The following LMX1B variants were observed in gnomAD, a reference collection of about 807,000 sequenced individuals.
The protein encoded by LMX1B is LIM homeobox transcription factor 1-beta.
In LMX1B, 12 loss-of-function variants were observed where a neutral mutation model predicts 51.4. That is an observed-to-expected ratio of 0.23 (90% CI 0.15 to 0.38). LMX1B has a LOEUF of 0.38. Among genes scored for constraint, LMX1B ranks in the 10% least tolerant of loss-of-function variants. LMX1B has a pLI of 1.00. For missense variants in LMX1B, 445 were observed against 571.1 expected (o/e 0.78, Z 2.25); for synonymous variants, 237 against 235.4 (o/e 1.01, Z -0.06).
intron 2 of LMX1B, among the ~76,000 whole-genome samples, chr9:126,657,887 G>A (rs1482336760): frequency 6.6e-6 from 1 of 152,218 alleles, no homozygotes; most frequent in African/African-American, 2.4e-5. Context: ...CTAGGAGTGA[G>A]TTGGGGACTG....
intron 2 of LMX1B, among the ~76,000 whole-genome samples, chr9:126,622,402 C>T (rs569729937): frequency 8.5e-5 from 13 of 152,302 alleles, no homozygotes; most frequent in Non-Finnish European, 1.6e-4. Flanking sequence ...AGAGCAACAG[C>T]GATGCCCACT....
chr9:126,666,327 G>C (rs1836342080), intron 2 of LMX1B, among the ~76,000 whole-genome samples: 1 of 152,216 alleles, frequency 6.6e-6, no homozygotes, highest in Non-Finnish European at 1.5e-5. Context: ...CCCAGGAGAG[G>C]GGACAGGGAG....
At chr9:126,670,164 C>A (rs910717925) in intron 2 of LMX1B, among the ~76,000 whole-genome samples, 1 of 152,228 alleles carries the variant, frequency 6.6e-6, no homozygotes, top group Non-Finnish European at 1.5e-5. Flanking sequence ...CCAGAGCAGT[C>A]ACCTGATGCT....
Position 126,617,461 on chromosome 9 carries a change from A to G in LMX1B, c.326+1892A>G, listed in dbSNP as rs1222243146. On this transcript the variant is annotated intron_variant, in intron 2 of 7. Coordinates refer to ENST00000373474, the MANE Select transcript of LMX1B (RefSeq NM_001174147.2). ...CGTGTACATATTCTGCCCTCCCCCC[A>G]CTCCCCATAATTATTTACGGAGCTT... 8.0e-5 allele frequency among the ~76,000 whole-genome samples: 12 copies of G among 150,124 alleles called. No homozygotes were observed. The East Asian group carries it at 2.4e-3, about 29-fold the overall frequency.
intron 2 of LMX1B, among the ~76,000 whole-genome samples, chr9:126,669,898 C>G (rs2118941483): frequency 6.6e-6 from 1 of 152,250 alleles, no homozygotes; most frequent in African/African-American, 2.4e-5. Flanking sequence ...TGAGGCAGGA[C>G]AGGAACCACA....
intron 2 of LMX1B, among the ~76,000 whole-genome samples, chr9:126,659,255 C>A (rs1836180559): frequency 1.3e-5 from 2 of 152,230 alleles, no homozygotes; most frequent in African/African-American, 4.8e-5. Context: ...CAGTGCTGGG[C>A]AGGTGGTGAG....
chr9:126,668,857 G>T (rs1324302785), intron 2 of LMX1B, among the ~76,000 whole-genome samples: 2 of 152,244 alleles, frequency 1.3e-5, no homozygotes, highest in Non-Finnish European at 2.9e-5. Flanking sequence ...GTGGTGCTTG[G>T]CAGGGGATGA....
rs1483958985 is a variant in LMX1B at position 126,693,729 on chromosome 9, C to A, written c.820-17C>A. 6.4e-7 allele frequency: 1 copy of A among 1,565,166 alleles called. No homozygotes were observed. Among genetic ancestry groups the A allele is most frequent in the Non-Finnish European group, 8.7e-7 (1 of 1,155,974 alleles). On this transcript the variant is annotated splice_polypyrimidine_tract_variant and intron_variant, in intron 5 of 7. Transcript: ENST00000373474. The stretch of plus-strand genomic sequence containing the variant: ...GGGCGAGGGGCAGCACCGGCCTGAA[C>A]TGCGCTCTCCCTGCAGATGAAGAAG...
chr9:126,639,272 G>A (rs935320390), intron 2 of LMX1B, among the ~76,000 whole-genome samples: 5 of 152,188 alleles, frequency 3.3e-5, no homozygotes, highest in Non-Finnish European at 1.5e-5. Context: ...CCGCTTTGCC[G>A]GGTGAGGGTC....
intron 2 of LMX1B, among the ~76,000 whole-genome samples, chr9:126,624,876 G>A (rs1055921734): frequency 3.3e-5 from 5 of 152,112 alleles, no homozygotes; most frequent in Admixed American, 1.3e-4. Flanking sequence ...GGGGAAAGGC[G>A]AGCAGGCTCC....
At chr9:126,622,278 C>T (rs1835429698) in intron 2 of LMX1B, among the ~76,000 whole-genome samples, 1 of 152,176 alleles carries the variant, frequency 6.6e-6, no homozygotes, top group Admixed American at 6.5e-5. Flanking sequence ...TTCCTGGAGC[C>T]TGGTTCCAGA....
chr9:126,657,683 C>T (rs1412295904), intron 2 of LMX1B, among the ~76,000 whole-genome samples: 3 of 152,360 alleles, frequency 2.0e-5, no homozygotes, highest in African/African-American at 7.2e-5. Flanking sequence ...GTGGGAGAAT[C>T]TTGATGCATC....
rs1017454986 is a variant in LMX1B, at chr9:126,697,897, C to T, written c.*1446C>T. The T allele has an allele frequency of 7.3e-5, 11 of 149,698 alleles. No homozygotes were observed. The highest frequency in any genetic ancestry group is 8.7e-5 in the Non-Finnish European group (6 of 69,060). The allele number at this position is 149,698 out of a possible 1,614,324, so 9.3% of individuals were successfully genotyped here. On this transcript the variant is annotated 3_prime_UTR_variant, in exon 8 of 8. Coordinates refer to ENST00000373474, the MANE Select transcript of LMX1B (RefSeq NM_001174147.2). ...TTGTTTTGTTTTGTTTTGTTTGAGA[C>T]GGAGTTTCGCTCTTGTTGCCCAGGC...
rs189160626 is a variant in LMX1B, at chr9:126,614,099, T to C, written c.-351T>C. 0.53 allele frequency among the ~76,000 whole-genome samples: 54,678 copies of C among 103,140 alleles called. 12,207 individuals are homozygous for C. The highest frequency in any genetic ancestry group is 0.89 in the East Asian group (3,717 of 4,170). 67.7% of individuals were successfully genotyped at this position (103,140 alleles called of 152,430 possible). On this transcript the variant is annotated 5_prime_UTR_variant, in exon 1 of 8. Coordinates refer to ENST00000373474, the MANE Select transcript of LMX1B (RefSeq NM_001174147.2). ...CTGCACCCCCACCCCCTCCCCCGCCTGCCGCCGCCGCCACCGCCACCGCCG... is the reference window on the plus strand; with the variant it reads ...CTGCACCCCCACCCCCTCCCCCGCCCGCCGCCGCCGCCACCGCCACCGCCG...
At chr9:126,682,704 G>A (rs1054537873) in intron 2 of LMX1B, among the ~76,000 whole-genome samples, 5 of 152,098 alleles carry the variant, frequency 3.3e-5, no homozygotes, top group Non-Finnish European at 5.9e-5. Flanking sequence ...AGACCAGCCT[G>A]GCTAACATGG....
Position 126,671,918 on chromosome 9 carries a change from C to T in LMX1B, c.327-18918C>T, listed in dbSNP as rs1206905977. ...AGAGGTCGGCATTCTCCACCACCCCCTTCTCCTGGACTGGGGCTTCCAAGT... is the reference window on the plus strand; with the variant it reads ...AGAGGTCGGCATTCTCCACCACCCCTTTCTCCTGGACTGGGGCTTCCAAGT... On this transcript the variant is annotated intron_variant, in intron 2 of 7. Coordinates refer to ENST00000373474, the MANE Select transcript of LMX1B (RefSeq NM_001174147.2). This position sits in a 1 kb window ranked among gnomAD's most constrained non-coding sequence, Gnocchi z 4.4. Among the ~76,000 whole-genome samples, 1 of 152,248 alleles carries T rather than the reference C, an allele frequency of 6.6e-6. No individual in the cohort carries two copies. The highest frequency in any genetic ancestry group is 1.5e-5 in the Non-Finnish European group (1 of 68,032).
At chr9:126,654,530 G>T (rs1409483955) in intron 2 of LMX1B, among the ~76,000 whole-genome samples, 1 of 152,262 alleles carries the variant, frequency 6.6e-6, no homozygotes, top group Non-Finnish European at 1.5e-5. Context: ...GCCCACTTAG[G>T]GTGGAGGCAG....
At chr9:126,656,558 G>A (rs937570133) in intron 2 of LMX1B, among the ~76,000 whole-genome samples, 1 of 152,188 alleles carries the variant, frequency 6.6e-6, no homozygotes, top group Non-Finnish European at 1.5e-5. Context: ...AGGAAGGAAG[G>A]GATGTGATGC....
chr9:126,615,700 CCG>C lies in LMX1B; in HGVS notation c.326+132_326+133del. 6.3e-6 allele frequency: 5 copies of C among 788,774 alleles called. No individual in the cohort carries two copies. Among genetic ancestry groups the C allele is most frequent in the Non-Finnish European group, 9.3e-6 (5 of 535,748 alleles). 48.9% of individuals were successfully genotyped at this position (788,774 alleles called of 1,614,324 possible). A position where few individuals can be genotyped will look rare whatever the true frequency, so the allele number is the denominator to read the frequency against. ...GCTGGGCCGGGCAGCTCCAAGGGTT[CCG>C]AGAGCTGCGCGTCTTGGGGCTGGGG... is the stretch of plus-strand genomic sequence containing the variant. On this transcript the variant is annotated intron_variant, in intron 2 of 7. Coordinates refer to ENST00000373474, the MANE Select transcript of LMX1B (RefSeq NM_001174147.2). This position sits in a 1 kb window ranked among gnomAD's most constrained non-coding sequence, Gnocchi z 6.0.
Sources: gnomAD v4.1 joint callset for allele counts (sites outside exome capture counted in the v4.1 genomes callset) on GRCh38, gnomAD v4.1.1 for gene constraint, Gnocchi (gnomAD v3.1) non-coding constraint, MANE v1.5 for transcripts, NCBI Gene and HGNC (gene_info 2026-07-23, HGNC 2026-07-21) for gene names.